FAP: variants seen among roughly 807,000 people sequenced by gnomAD.
FAP encodes the protein prolyl endopeptidase FAP.
A neutral mutation model predicts 126.5 loss-of-function variants in FAP; 110 were observed. The observed-to-expected ratio is 0.87, with a 90% CI of 0.74 to 1.02. The LOEUF (loss-of-function observed/expected upper bound fraction) is 1.02, where lower values mean the gene tolerates loss of function less well. FAP is among the 50% of genes least tolerant of loss of function. FAP has a pLI of 0.00. For missense variants in FAP, 919 were observed against 909.2 expected (o/e 1.01, Z -0.14); for synonymous variants, 334 against 297.3 (o/e 1.12, Z -1.27).
chr2:162,198,771 G>A lies in FAP; in HGVS notation c.1388C>T (p.Ala463Val). 6.2e-7 allele frequency: 1 copy of A among 1,614,084 alleles called. No individual in the cohort carries two copies. Among genetic ancestry groups the A allele is most frequent in the East Asian group, 2.2e-5 (1 of 44,888 alleles). ...CCGTTACCTACCGTAGCAGACAAGTGCATAGTACTTGGCGTAGTCGCTGAA... is the reference window on the plus strand; with the variant it reads ...CCGTTACCTACCGTAGCAGACAAGTACATAGTACTTGGCGTAGTCGCTGAA... The part of the protein sequence containing the change: ...ASFSDYAKYY[A>V]LVCYGPGIPI... The change falls in exon 16 of 26, where the codon GCA becomes GTA. Residue 463 changes from alanine (A) to valine (V), a missense_variant. Physicochemically the swap from Ala to Val is moderately conservative, Grantham distance 64. Coordinates refer to ENST00000188790, the MANE Select transcript of FAP (RefSeq NM_004460.5).
At chr2:162,198,127 T>G in intron 16 of FAP, 1 of 1,221,412 alleles carries the variant, frequency 8.2e-7, no homozygotes, top group South Asian at 1.4e-5. Flanking sequence ...AACCAGGAAA[T>G]GTTTTGTAGA....
At chr2:162,197,491 T>A in intron 16 of FAP, 1 of 454,050 alleles carries the variant, frequency 2.2e-6, no homozygotes, top group Non-Finnish European at 4.4e-6. Context: ...TCAGCACATA[T>A]GGTCATGAAC....
chr2:162,183,549 A>G (rs1356187674), intron 20 of FAP, 81 bp from the exon 21 acceptor site: 4 of 812,648 alleles, frequency 4.9e-6, no homozygotes, highest in Non-Finnish European at 8.3e-6. Flanking sequence ...TATTTAATCC[A>G]AAGATTTAAT....
intron 12 of FAP, among the ~76,000 whole-genome samples, chr2:162,209,136 TG>T (rs1688825653): frequency 6.6e-6 from 1 of 152,086 alleles, no homozygotes; most frequent in African/African-American, 2.4e-5. Flanking sequence ...GACTTTTTTT[TG>T]TCCTTGGATC....
intron 2 of FAP, among the ~76,000 whole-genome samples, chr2:162,233,878 T>A (rs1689997813): frequency 6.6e-6 from 1 of 152,230 alleles, no homozygotes; most frequent in South Asian, 2.1e-4. Flanking sequence ...CATTTTGAGT[T>A]AATTTTTGTG....
Position 162,171,063 on chromosome 2 carries a change from G to T in FAP, c.2199C>A (p.Asn733Lys). 1 of 1,613,022 alleles carries T rather than the reference G, an allele frequency of 6.2e-7. No individual in the cohort carries two copies. The highest frequency in any genetic ancestry group is 8.5e-7 in the Non-Finnish European group (1 of 1,179,226). ...TCGTGGACAGGCCGGATAAGCCGTGGTTCTGGTCAGAGTACCACTGAAACA... is the reference window on the plus strand; with the variant it reads ...TCGTGGACAGGCCGGATAAGCCGTGTTTCTGGTCAGAGTACCACTGAAACA... ...DFQAMWYSDQ[N>K]HGLSGLSTNH... Residue 733 changes from asparagine to lysine, a missense_variant, in exon 26 of 26, where the codon AAC becomes AAA. Physicochemically the swap from Asn to Lys is moderately conservative, Grantham distance 94 (BLOSUM62 0). Coordinates refer to ENST00000188790, the MANE Select transcript of FAP (RefSeq NM_004460.5).
chr2:162,214,696 C>T (rs1364391800), intron 10 of FAP, among the ~76,000 whole-genome samples: 1 of 151,168 alleles, frequency 6.6e-6, no homozygotes, highest in Non-Finnish European at 1.5e-5. Flanking sequence ...GAATCACAAA[C>T]TTCTGGAAAA....
In FAP at chr2:162,217,975, A is replaced by G. The variant is rs532701324; in HGVS notation, c.762+11T>C. 38 of 1,558,036 alleles carry G rather than the reference A, an allele frequency of 2.4e-5. 1 individual carries two copies. In the South Asian group the frequency reaches 4.4e-4, roughly 18 times the overall value. ...GGAAAATGAAAGCATCGCTGAAAGTATTCAACATACCTTTGGGTATGGAAT... is the reference window on the plus strand; with the variant it reads ...GGAAAATGAAAGCATCGCTGAAAGTGTTCAACATACCTTTGGGTATGGAAT... On this transcript the variant is annotated intron_variant, in intron 9 of 25. Coordinates refer to ENST00000188790, the MANE Select transcript of FAP (RefSeq NM_004460.5).
chr2:162,181,478 C>T (rs1341214036), intron 21 of FAP, among the ~76,000 whole-genome samples: 2 of 152,156 alleles, frequency 1.3e-5, no homozygotes, highest in Admixed American at 6.5e-5. Flanking sequence ...CTGGCCAGCT[C>T]AGTCTCCCTG....
Position 162,171,091 on chromosome 2 carries a change from AAG to A in FAP, c.2182-13_2182-12del. 1.9e-6 allele frequency: 3 copies of A among 1,610,088 alleles called. No individual in the cohort carries two copies. The highest frequency in any genetic ancestry group is 2.5e-6 in the Non-Finnish European group (3 of 1,177,244). On this transcript the variant is annotated splice_polypyrimidine_tract_variant and intron_variant, in intron 25 of 25. Transcript: ENST00000188790. ...CTGGTCAGAGTACCACTGAAACACA[AAG>A]AAAAAAGCTTGTTTTATTCCTGCAG...
chr2:162,170,904 A>C lies in FAP; in HGVS notation c.*75T>G. Reference sequence around the variant, plus strand: ...ATACTAGCATTTTACAACATAAAAAATAAAATAAGCAAACTGTCTGAGGGG... The same window carrying C: ...ATACTAGCATTTTACAACATAAAAACTAAAATAAGCAAACTGTCTGAGGGG... On this transcript the variant is annotated 3_prime_UTR_variant, in exon 26 of 26. Transcript: ENST00000188790. The C allele has an allele frequency of 9.0e-7, 1 of 1,109,370 alleles. No individual in the cohort carries two copies. Among genetic ancestry groups the C allele is most frequent in the South Asian group, 1.4e-5 (1 of 72,972 alleles). The allele number at this position is 1,109,370 out of a possible 1,614,324, so 68.7% of individuals were successfully genotyped here.
chr2:162,206,204 G>T (rs1688689794), intron 12 of FAP, among the ~76,000 whole-genome samples: 1 of 152,158 alleles, frequency 6.6e-6, no homozygotes, highest in Non-Finnish European at 1.5e-5. Flanking sequence ...CATTTTGCTA[G>T]AGTTAGGCCC....
At chr2:162,174,835 T>C in intron 22 of FAP, 32 bp downstream of exon 22, 1 of 1,479,428 alleles carries the variant, frequency 6.8e-7, no homozygotes, top group Non-Finnish European at 9.4e-7. Flanking sequence ...TGTTAAATGC[T>C]TTCACAGTAA....
chr2:162,225,449 G>T, intron 4 of FAP, 34 bp downstream of exon 4: 7 of 1,584,418 alleles, frequency 4.4e-6, no homozygotes, highest in Non-Finnish European at 6.0e-6. Flanking sequence ...GTGGGCAAAG[G>T]TTTCTGAGGG....
rs1193274144 is a variant in FAP at position 162,171,225 on chromosome 2, C to T, written c.2182-145G>A. The T allele has an allele frequency of 8.5e-6, 5 of 589,828 alleles. No individual in the cohort carries two copies. The Admixed American group carries it at 9.3e-5, about 11-fold the overall frequency. The allele number at this position is 589,828 out of a possible 1,614,324, so 36.5% of individuals were successfully genotyped here. On this transcript the variant is annotated intron_variant, in intron 25 of 25. Transcript: ENST00000188790. ...ACACTCAAATAAGTAAAATAGCTTA[C>T]ATGTAAATATTTACAGCAGGAAGAG...
chr2:162,234,342 T>C (rs1238168316), intron 2 of FAP, among the ~76,000 whole-genome samples: 1 of 152,122 alleles, frequency 6.6e-6, no homozygotes, highest in Non-Finnish European at 1.5e-5. Context: ...TCCATAAACA[T>C]GGGATGTCTT....
chr2:162,207,245 T>C (rs1688738886), intron 12 of FAP, among the ~76,000 whole-genome samples: 1 of 152,184 alleles, frequency 6.6e-6, no homozygotes, highest in Non-Finnish European at 1.5e-5. Flanking sequence ...TGTCAGAACT[T>C]ACAAAAGCTA....
chr2:162,215,150 A>T (rs929477917), intron 10 of FAP, among the ~76,000 whole-genome samples: 1 of 152,242 alleles, frequency 6.6e-6, no homozygotes, highest in Non-Finnish European at 1.5e-5. Flanking sequence ...AGCAAGGCCC[A>T]GTAGAAGCCT....
chr2:162,215,945 C>A lies in FAP; in HGVS notation c.819G>T (p.Ala273=), dbSNP rs150058882. 4.3e-6 allele frequency: 7 copies of A among 1,614,014 alleles called. No individual in the cohort carries two copies. In the South Asian group the frequency reaches 6.6e-5, roughly 15 times the overall value. Residue 273 remains alanine (A), a synonymous_variant, in exon 10 of 26, where the codon GCG becomes GCT. Coordinates refer to ENST00000188790, the MANE Select transcript of FAP (RefSeq NM_004460.5). ...CAGGCACTTCCTGGGGACCTACATA[C>A]GCAGGGTAAGTGGTATCGATAATAA... is the stretch of plus-strand genomic sequence containing the variant. The part of the protein sequence containing the change: ...RIFIIDTTYP[A]YVGPQEVPVP...
Sources: gnomAD v4.1 joint callset for allele counts (sites outside exome capture counted in the v4.1 genomes callset) on GRCh38, gnomAD v4.1.1 for gene constraint, MANE v1.5 for transcripts, NCBI Gene and HGNC (gene_info 2026-07-23, HGNC 2026-07-21) for gene names.